COQ3: variants seen among roughly 807,000 people sequenced by gnomAD.
COQ3 encodes the protein ubiquinone biosynthesis O-methyltransferase, mitochondrial.
COQ3 carries 29 observed loss-of-function variants against 33.1 expected under a neutral mutation model. That is an observed-to-expected ratio of 0.88 (90% CI 0.65 to 1.19). COQ3 has a LOEUF of 1.19. Among genes scored for constraint, COQ3 ranks in the 50% most tolerant of loss-of-function variants. COQ3 has a pLI of 0.00. For synonymous variants in COQ3, 173 were observed against 157.8 expected, an observed-to-expected ratio of 1.10 and a Z score of -0.72; for missense variants, 437 against 430.7, an observed-to-expected ratio of 1.01 and a Z score of -0.13.
chr6:99,372,779 G>A (rs1774181673), intron 5 of COQ3, among the ~76,000 whole-genome samples: 1 of 152,122 alleles, frequency 6.6e-6, no homozygotes, highest in Admixed American at 6.5e-5. Flanking sequence ...CAAATGGCAA[G>A]GATATTAATG....
chr6:99,373,706 C>T (rs772047633), intron 5 of COQ3, among the ~76,000 whole-genome samples: 1 of 152,014 alleles, frequency 6.6e-6, no homozygotes, highest in Non-Finnish European at 1.5e-5. Flanking sequence ...TAAGAGGAAA[C>T]AAGGGCTAGG....
At chr6:99,375,295 C>T (rs1331714952) in intron 5 of COQ3, among the ~76,000 whole-genome samples, 1 of 151,742 alleles carries the variant, frequency 6.6e-6, no homozygotes, top group African/African-American at 2.4e-5. Flanking sequence ...AATTGTCATT[C>T]AATATCTGTT....
At chr6:99,380,373 A>G (rs1292646561) in intron 2 of COQ3, 32 bp from the exon 3 acceptor site, 1 of 1,606,266 alleles carries the variant, frequency 6.2e-7, no homozygotes, top group East Asian at 2.2e-5. Flanking sequence ...CCAAGCAAAT[A>G]CTGCTGTTTT....
intron 5 of COQ3, among the ~76,000 whole-genome samples, chr6:99,373,965 C>T (rs533927607): frequency 6.4e-4 from 98 of 152,032 alleles, no homozygotes; most frequent in African/African-American, 2.3e-3. Flanking sequence ...CGTGATCTTG[C>T]CAGTACACTC....
intron 1 of COQ3, among the ~76,000 whole-genome samples, chr6:99,385,348 C>G (rs1307828694): frequency 6.6e-6 from 1 of 152,142 alleles, no homozygotes; most frequent in Non-Finnish European, 1.5e-5. Context: ...ACAAAATATA[C>G]ATTCTTTCAA....
At position 99,371,664 on chromosome 6, in the gene COQ3, CCCT is replaced by C. The variant is rs1342018686; in HGVS notation, c.730-80_730-78del. On this transcript the variant is annotated intron_variant, in intron 5 of 6. Transcript: ENST00000254759. ...ACTTAAGTAAAAGCTGTTTCCCCCT[CCCT>C]CCTCCTTTCTTCCAAATAATCTGAG... 1.1e-5 allele frequency: 10 copies of C among 922,124 alleles called. No homozygotes were observed. The East Asian group carries it at 1.9e-4, about 17-fold the overall frequency. The allele number at this position is 922,124 out of a possible 1,614,324, so 57.1% of individuals were successfully genotyped here.
At position 99,391,093 on chromosome 6, in the gene COQ3, T is replaced by TGA. The variant is rs762160369; in HGVS notation, c.106+2980_106+2981insTC. On this transcript the variant is annotated intron_variant, in intron 1 of 6. Coordinates refer to ENST00000254759, the MANE Select transcript of COQ3 (RefSeq NM_017421.4). ...TTGCTCATTTTATTTATTTATTTAT[T>TGA]TATTTATTTATTTATTTATTTATGA... Among the ~76,000 whole-genome samples the TGA allele has an allele frequency of 8.3e-3, 1,154 of 138,954 alleles. 8 individuals carry two copies. Among genetic ancestry groups the TGA allele is most frequent in the Middle Eastern group, 0.019 (5 of 266 alleles). The allele number at this position is 138,954 out of a possible 152,430, so 91.2% of individuals were successfully genotyped here.
At chr6:99,385,999 GAAAAA>G (rs1774641568) in intron 1 of COQ3, among the ~76,000 whole-genome samples, 1 of 79,332 alleles carries the variant, frequency 1.3e-5, no homozygotes, top group Non-Finnish European at 3.1e-5. Context: ...AAAAAGAAAA[GAAAAA>G]AGAAAAGAAA....
At chr6:99,370,157 G>A (rs1774086946) in intron 6 of COQ3, among the ~76,000 whole-genome samples, 1 of 152,044 alleles carries the variant, frequency 6.6e-6, no homozygotes, top group South Asian at 2.1e-4. Flanking sequence ...TACAGAACTT[G>A]TATCATAGAA....
rs1192058681 is a variant in COQ3 at position 99,380,268 on chromosome 6, G to T, written c.307C>A (p.Leu103Met). The T allele has an allele frequency of 6.2e-7, 1 of 1,614,076 alleles. No individual in the cohort carries two copies. ...DSGEVKTFLALAHKWWDEQGV... is the reference protein window; with the variant it reads ...DSGEVKTFLAMAHKWWDEQGV... ...TGTTCATCCCACCATTTGTGAGCCAGGGCCAAGAAGGTTTTTACCTCACCG... is the reference window on the plus strand; with the variant it reads ...TGTTCATCCCACCATTTGTGAGCCATGGCCAAGAAGGTTTTTACCTCACCG... Residue 103 changes from leucine (L) to methionine (M), a missense_variant, in exon 3 of 7, where the codon CTG becomes ATG. Physicochemically the swap from Leu to Met is conservative, Grantham distance 15. Coordinates refer to ENST00000254759, the MANE Select transcript of COQ3 (RefSeq NM_017421.4).
chr6:99,369,543 T>TC lies in COQ3; in HGVS notation c.*56_*57insG, dbSNP rs11437017. On this transcript the variant is annotated 3_prime_UTR_variant, in exon 7 of 7. Transcript: ENST00000254759. ...TCTCTCAAAGGATAAATTGTACATTTTTGTATTTGAAAACATCAGATATCC... is the reference window on the plus strand; with the variant it reads ...TCTCTCAAAGGATAAATTGTACATTTCTTGTATTTGAAAACATCAGATATCC... 0.84 allele frequency: 1,033,378 copies of TC among 1,233,822 alleles called. 434,394 individuals are homozygous for TC. Among genetic ancestry groups the TC allele is most frequent in the South Asian group, 0.92 (70,553 of 76,688 alleles). The allele number at this position is 1,233,822 out of a possible 1,614,324, so 76.4% of individuals were successfully genotyped here. A position where few individuals can be genotyped will look rare whatever the true frequency, so the allele number is the denominator to read the frequency against.
At chr6:99,382,309 T>C (rs1312267758) in intron 2 of COQ3, among the ~76,000 whole-genome samples, 1 of 152,182 alleles carries the variant, frequency 6.6e-6, no homozygotes, top group Admixed American at 6.5e-5. Context: ...TAGAAGCATA[T>C]AGTATAGAAA....
At chr6:99,385,478 G>C (rs983721031) in intron 1 of COQ3, among the ~76,000 whole-genome samples, 7 of 152,034 alleles carry the variant, frequency 4.6e-5, no homozygotes, top group Admixed American at 1.3e-4. Context: ...ATAAATAATA[G>C]AAAAATAACG....
chr6:99,391,192 G>A (rs1393995513), intron 1 of COQ3, among the ~76,000 whole-genome samples: 1 of 151,344 alleles, frequency 6.6e-6, no homozygotes, highest in African/African-American at 2.4e-5. Context: ...TCTACCTCCT[G>A]GGCTCAAGTA....
At chr6:99,388,182 A>C (rs1409635485) in intron 1 of COQ3, among the ~76,000 whole-genome samples, 1 of 152,102 alleles carries the variant, frequency 6.6e-6, no homozygotes, top group African/African-American at 2.4e-5. Flanking sequence ...ATAAAATAAA[A>C]TAAAATAAAA....
intron 2 of COQ3, chr6:99,383,235 C>T (rs1774523477): frequency 6.6e-6 from 1 of 152,184 alleles, no homozygotes; most frequent in Non-Finnish European, 1.5e-5. Context: ...AAAGATATTA[C>T]CTTCAATCAA....
intron 1 of COQ3, among the ~76,000 whole-genome samples, chr6:99,390,118 GACA>G (rs935637525): frequency 2.0e-5 from 3 of 151,948 alleles, no homozygotes; most frequent in Non-Finnish European, 1.5e-5. Flanking sequence ...GTCTCAAAAC[GACA>G]ACAACTAGAG....
chr6:99,388,293 C>T (rs924604336), intron 1 of COQ3, among the ~76,000 whole-genome samples: 1 of 152,100 alleles, frequency 6.6e-6, no homozygotes, highest in African/African-American at 2.4e-5. Context: ...ATGTAAAATA[C>T]TTTATCATTT....
intron 1 of COQ3, among the ~76,000 whole-genome samples, chr6:99,389,248 A>G (rs900482471): frequency 3.3e-5 from 5 of 152,084 alleles, no homozygotes; most frequent in Admixed American, 6.5e-5. Flanking sequence ...CAGCCTCCCA[A>G]GTAACTGGGA....
Sources: gnomAD v4.1 joint callset for allele counts (sites outside exome capture counted in the v4.1 genomes callset) on GRCh38, gnomAD v4.1.1 for gene constraint, MANE v1.5 for transcripts, NCBI Gene and HGNC (gene_info 2026-07-23, HGNC 2026-07-21) for gene names.